Variants in ARFGAP2 observed in about 807,000 individuals in gnomAD.
ARFGAP2 encodes the protein ADP-ribosylation factor GTPase-activating protein 2.
A neutral mutation model predicts 71.9 loss-of-function variants in ARFGAP2; 45 were observed. The observed-to-expected ratio is 0.63, with a 90% CI of 0.49 to 0.80. The LOEUF is 0.80. ARFGAP2 is among the 30% of genes least tolerant of loss of function. ARFGAP2 has a pLI of 0.00. For synonymous variants in ARFGAP2, 248 were observed against 249.2 expected (o/e 1.00, Z 0.05); for missense variants, 633 against 673.9 (o/e 0.94, Z 0.67).
intron 10 of ARFGAP2, among the ~76,000 whole-genome samples, chr11:47,170,976 C>T (rs569518926): frequency 1.3e-5 from 2 of 152,094 alleles, no homozygotes; most frequent in South Asian, 4.2e-4. Context: ...CACAGCAAAC[C>T]GAGTGGTTCT....
At position 47,166,461 on chromosome 11, in the gene ARFGAP2, G is replaced by T. The variant is rs547735159; in HGVS notation, c.1426+45C>A. ...AGTCACAGCAGGGCCCTCCCGCCCT[G>T]CTCCCAGGCCTCACTTGGTGCCTGC... is the stretch of plus-strand genomic sequence containing the variant. On this transcript the variant is annotated intron_variant, in intron 14 of 15. Transcript: ENST00000524782. 380 of 1,611,948 alleles carry T rather than the reference G, an allele frequency of 2.4e-4. 6 individuals are homozygous for T. In the South Asian group the frequency reaches 4.0e-3, roughly 17 times the overall value.
Position 47,176,782 on chromosome 11 carries a change from C to T in ARFGAP2, c.72G>A (p.Lys24=). Residue 24 remains lysine, a splice_region_variant and synonymous_variant, in exon 1 of 16, where the codon AAG becomes AAA. Transcript: ENST00000524782. The part of the protein sequence containing the change: ...FKRLRAVPTN[K]ACFDCGAKNP... ...CTCCGCGCGCCCCCTGCTCACGCAC[C>T]TTGTTGGTTGGAACTGCGCGAAGCC... 1 of 1,614,166 alleles carries T rather than the reference C, an allele frequency of 6.2e-7. No individual in the cohort carries two copies. The highest frequency in any genetic ancestry group is 8.5e-7 in the Non-Finnish European group (1 of 1,180,030).
rs752740631 is a variant in ARFGAP2 at position 47,176,765 on chromosome 11, G to GC, written c.72+16dup. 6.2e-7 allele frequency: 1 copy of GC among 1,613,716 alleles called. No individual in the cohort carries two copies. Among genetic ancestry groups the GC allele is most frequent in the Non-Finnish European group, 8.5e-7 (1 of 1,179,864 alleles). ...CCCAGCGGGACGAGAGACTCCGCGC[G>GC]CCCCCTGCTCACGCACCTTGTTGGT... On this transcript the variant is annotated intron_variant, in intron 1 of 15. Transcript: ENST00000524782.
Position 47,176,766 on chromosome 11 carries a change from C to T in ARFGAP2, c.72+16G>A. 1 of 1,613,958 alleles carries T rather than the reference C, an allele frequency of 6.2e-7. No individual in the cohort carries two copies. Among genetic ancestry groups the T allele is most frequent in the African/African-American group, 1.3e-5 (1 of 75,062 alleles). ...CCAGCGGGACGAGAGACTCCGCGCG[C>T]CCCCTGCTCACGCACCTTGTTGGTT... is the stretch of plus-strand genomic sequence containing the variant. On this transcript the variant is annotated intron_variant, in intron 1 of 15. Coordinates refer to ENST00000524782, the MANE Select transcript of ARFGAP2 (RefSeq NM_032389.6).
Position 47,168,180 on chromosome 11 carries a change from G to A in ARFGAP2, c.1013C>T (p.Ser338Phe), listed in dbSNP as rs146816848. ...EQETPVSAKS[S>F]RSQLDLFDDV... ...GTCAAACAAGTCCAGCTGCGAGCGA[G>A]AGGATTTTGCACTCACTGGGGTTTC... is the stretch of plus-strand genomic sequence containing the variant. Residue 338 changes from serine to phenylalanine, a missense_variant, in exon 11 of 16, where the codon TCT becomes TTT. By Grantham distance (155) the Ser-to-Phe change is radical. Transcript: ENST00000524782. 1 of 1,614,238 alleles carries A rather than the reference G, an allele frequency of 6.2e-7. No homozygotes were observed.
intron 10 of ARFGAP2, among the ~76,000 whole-genome samples, chr11:47,169,752 G>C (rs756377289): frequency 6.6e-6 from 1 of 152,128 alleles, no homozygotes; most frequent in African/African-American, 2.4e-5. Flanking sequence ...CTTGAACCCC[G>C]GAGGCGGAGG....
chr11:47,172,914 C>G (rs1326901363), intron 7 of ARFGAP2, among the ~76,000 whole-genome samples: 1 of 152,222 alleles, frequency 6.6e-6, no homozygotes, highest in Non-Finnish European at 1.5e-5. Context: ...GCCCCAACCC[C>G]CAAGAGTCAA....
At chr11:47,175,565 A>C in intron 3 of ARFGAP2, 1 of 634,150 alleles carries the variant, frequency 1.6e-6, no homozygotes, top group Non-Finnish European at 2.7e-6. Flanking sequence ...TCCCATACCC[A>C]GCCTCCCCAT....
rs371258045 is a variant in ARFGAP2 at position 47,165,447 on chromosome 11, C to T, written c.*35G>A. 9.7e-5 allele frequency: 152 copies of T among 1,567,252 alleles called. No homozygotes were observed. In the Middle Eastern group the frequency reaches 1.0e-3, roughly 11 times the overall value. Reference sequence around the variant, plus strand: ...CTGGGAACTGTGGAGTTCTTGTTGCCGTCACCATCGTAAGCCTGAGTCACA... The same window carrying T: ...CTGGGAACTGTGGAGTTCTTGTTGCTGTCACCATCGTAAGCCTGAGTCACA... On this transcript the variant is annotated 3_prime_UTR_variant, in exon 16 of 16. Coordinates refer to ENST00000524782, the MANE Select transcript of ARFGAP2 (RefSeq NM_032389.6).
intron 15 of ARFGAP2, 33 bp from the exon 16 acceptor site, chr11:47,165,535 A>G (rs914836143): frequency 5.5e-6 from 8 of 1,464,032 alleles, no homozygotes; most frequent in African/African-American, 4.6e-5. Context: ...AAAAAAAAAA[A>G]GTCAGAGGCT....
intron 10 of ARFGAP2, among the ~76,000 whole-genome samples, chr11:47,170,323 CAA>C (rs34843394): frequency 2.2e-3 from 162 of 73,934 alleles, no homozygotes; most frequent in East Asian, 6.0e-3. Context: ...GACTCCATCT[CAA>C]AAAAAAAAAA....
chr11:47,170,029 G>A (rs912526696), intron 10 of ARFGAP2, among the ~76,000 whole-genome samples: 1 of 151,920 alleles, frequency 6.6e-6, no homozygotes, highest in Non-Finnish European at 1.5e-5. Context: ...TGTGGCTCAC[G>A]CCCGTAATCC....
Position 47,173,839 on chromosome 11 carries a change from G to A in ARFGAP2, c.482C>T (p.Pro161Leu). ...DSDFFTEHTQ[P>L]PAWDAPATEP... ...AGTGGCTGGCGCATCCCAGGCAGGG[G>A]GCTGAAAAGGAGGCCAGATCACAGA... The change falls in exon 6 of 16, where the codon CCC becomes CTC. Residue 161 changes from proline to leucine, a missense_variant and splice_region_variant. Coordinates refer to ENST00000524782, the MANE Select transcript of ARFGAP2 (RefSeq NM_032389.6). 6.3e-7 allele frequency: 1 copy of A among 1,596,626 alleles called. No homozygotes were observed. Among genetic ancestry groups the A allele is most frequent in the Non-Finnish European group, 8.5e-7 (1 of 1,172,062 alleles).
In ARFGAP2 at chr11:47,172,183, A is replaced by G. The variant is rs972985474; in HGVS notation, c.672+98T>C. ...TTCGGAGAAACACAGTACCTTTGCC[A>G]AAGTCATATAGCTGGTAAGTGGTAA... On this transcript the variant is annotated intron_variant, in intron 8 of 15. Transcript: ENST00000524782. 1.1e-5 allele frequency: 14 copies of G among 1,243,218 alleles called. No individual in the cohort carries two copies. In the Admixed American group the frequency reaches 2.4e-4, roughly 21 times the overall value. 77.0% of individuals were successfully genotyped at this position (1,243,218 alleles called of 1,614,324 possible).
Position 47,175,851 on chromosome 11 carries a change from C to A in ARFGAP2, c.264G>T (p.Ala88=). ...GTGAGGGAAGTAGAAGGAGCTTTACCGCATTGGCATTCCCGCCGACCTGCA... is the reference window on the plus strand; with the variant it reads ...GTGAGGGAAGTAGAAGGAGCTTTACAGCATTGGCATTCCCGCCGACCTGCA... The part of the protein sequence containing the change: ...RCMQVGGNAN[A]TAFFRQHGCT... The change falls in exon 3 of 16, where the codon GCG becomes GCT. Residue 88 remains alanine, a splice_region_variant and synonymous_variant. Coordinates refer to ENST00000524782, the MANE Select transcript of ARFGAP2 (RefSeq NM_032389.6). 1 of 1,614,084 alleles carries A rather than the reference C, an allele frequency of 6.2e-7. No homozygotes were observed. The highest frequency in any genetic ancestry group is 8.5e-7 in the Non-Finnish European group (1 of 1,179,998).
At chr11:47,170,120 T>C (rs1952535837) in intron 10 of ARFGAP2, among the ~76,000 whole-genome samples, 1 of 151,968 alleles carries the variant, frequency 6.6e-6, no homozygotes. Flanking sequence ...AAGCTAGTAG[T>C]TTTACACCAG....
intron 13 of ARFGAP2, 56 bp from the exon 14 acceptor site, chr11:47,166,655 C>T (rs1590944731): frequency 6.2e-7 from 1 of 1,604,706 alleles, no homozygotes; most frequent in Non-Finnish European, 8.5e-7. Flanking sequence ...CCCAAGGACT[C>T]ACACAGGCCA....
chr11:47,171,801 C>G lies in ARFGAP2; in HGVS notation c.673-1G>C, dbSNP rs1337685708. ...CCCCTAGGCCTTTCTTGGCACCCAG[C>G]TGGGAACAGAATCATGTAAGGGGCC... On this transcript the variant is annotated splice_acceptor_variant, in intron 8 of 15. Transcript: ENST00000524782. LOFTEE classifies it high-confidence loss of function. The G allele has an allele frequency of 4.3e-6, 7 of 1,613,384 alleles. No individual in the cohort carries two copies. The Admixed American group carries it at 6.7e-5, about 15-fold the overall frequency.
intron 10 of ARFGAP2, among the ~76,000 whole-genome samples, chr11:47,170,833 C>G (rs1466344293): frequency 1.3e-5 from 2 of 152,004 alleles, no homozygotes; most frequent in Non-Finnish European, 2.9e-5. Flanking sequence ...GTGGTCCCAG[C>G]TATTTGGGAG....
Sources: allele counts gnomAD v4.1 joint callset (sites outside exome capture counted in the v4.1 genomes callset), GRCh38; gene constraint gnomAD v4.1.1; transcripts MANE v1.5; gene names NCBI Gene and HGNC (gene_info 2026-07-23, HGNC 2026-07-21).